Variants in GDPD1 observed in about 807,000 individuals in gnomAD.
The protein encoded by GDPD1 is lysophospholipase D GDPD1.
A neutral mutation model predicts 45.1 loss-of-function variants in GDPD1; 28 were observed. The observed-to-expected ratio is 0.62, with a 90% CI of 0.46 to 0.85. The LOEUF (loss-of-function observed/expected upper bound fraction) is 0.85. Ranked by LOEUF, GDPD1 falls within the 40% of genes least tolerant of loss-of-function variation. The pLI is 0.00. For missense variants in GDPD1, 256 were observed against 364.8 expected (o/e 0.70, Z 2.43); for synonymous variants, 139 against 131.4 (o/e 1.06, Z -0.40).
At chr17:59,229,533 G>A (rs554280184) in intron 1 of GDPD1, among the ~76,000 whole-genome samples, 63 of 144,858 alleles carry the variant, frequency 4.3e-4, no homozygotes, top group African/African-American at 1.5e-3. Context: ...CCTAATTTTT[G>A]TATTTTTAGT....
At chr17:59,255,800 T>TATATACAA (rs748031430) in intron 4 of GDPD1, among the ~76,000 whole-genome samples, 1 of 67,012 alleles carries the variant, frequency 1.5e-5, no homozygotes, top group Non-Finnish European at 2.4e-5. Context: ...TATATATGTA[T>TATATACAA]ATATATATAT....
chr17:59,273,828 A>G lies in GDPD1; in HGVS notation c.*55A>G. 1 of 1,490,982 alleles carries G rather than the reference A, an allele frequency of 6.7e-7. No individual in the cohort carries two copies. Among genetic ancestry groups the G allele is most frequent in the Non-Finnish European group, 8.9e-7 (1 of 1,121,428 alleles). 92.4% of individuals were successfully genotyped at this position (1,490,982 alleles called of 1,614,324 possible). On this transcript the variant is annotated 3_prime_UTR_variant, in exon 10 of 10. Transcript: ENST00000284116. Reference sequence around the variant, plus strand: ...AAAAATGAAGACCTAAGAAAAAAATATTTCATGATCATTTCCCTAAGCCAT... The same window carrying G: ...AAAAATGAAGACCTAAGAAAAAAATGTTTCATGATCATTTCCCTAAGCCAT...
At chr17:59,246,767 AGG>A (rs2047215681) in intron 3 of GDPD1, among the ~76,000 whole-genome samples, 1 of 151,120 alleles carries the variant, frequency 6.6e-6, no homozygotes, top group Non-Finnish European at 1.5e-5. Context: ...AAAAAGAGCA[AGG>A]AAACATAAGA....
At chr17:59,224,633 AAAAAAACAAAAAAC>A (rs1158042748) in intron 1 of GDPD1, among the ~76,000 whole-genome samples, 2 of 148,618 alleles carry the variant, frequency 1.3e-5, no homozygotes, top group Non-Finnish European at 3.0e-5. Flanking sequence ...TCAAAAAAAA[AAAAAAACAAAAAAC>A]AAAAACAAAA....
At chr17:59,222,672 G>A (rs995821156) in intron 1 of GDPD1, among the ~76,000 whole-genome samples, 1 of 151,522 alleles carries the variant, frequency 6.6e-6, no homozygotes, top group African/African-American at 2.4e-5. Flanking sequence ...CCGCCACCAC[G>A]CACAGCTAAT....
At chr17:59,270,023 G>A (rs1435201542) in intron 7 of GDPD1, among the ~76,000 whole-genome samples, 1 of 152,016 alleles carries the variant, frequency 6.6e-6, no homozygotes, top group African/African-American at 2.4e-5. Flanking sequence ...GATATATTTT[G>A]TGTGTTTTAA....
chr17:59,235,999 T>C (rs1597967967), intron 2 of GDPD1, among the ~76,000 whole-genome samples: 2 of 152,262 alleles, frequency 1.3e-5, no homozygotes, highest in East Asian at 3.9e-4. Flanking sequence ...CACTATCATA[T>C]ATCATCTGTT....
At chr17:59,273,056 C>T in intron 9 of GDPD1, 3 of 764,234 alleles carry the variant, frequency 3.9e-6, no homozygotes, top group Non-Finnish European at 5.7e-6. Flanking sequence ...TAGCTGATGC[C>T]AGAGGGGTGG....
chr17:59,262,904 A>G (rs1568349650), intron 6 of GDPD1, among the ~76,000 whole-genome samples: 1 of 152,132 alleles, frequency 6.6e-6, no homozygotes, highest in Non-Finnish European at 1.5e-5. Context: ...CTGGGATTAC[A>G]GGCATGAGCC....
intron 1 of GDPD1, among the ~76,000 whole-genome samples, chr17:59,234,048 T>G (rs2047112218): frequency 6.6e-6 from 1 of 151,908 alleles, no homozygotes; most frequent in South Asian, 2.1e-4. Context: ...GCCCAAGCAT[T>G]TTGGATAAGG....
At chr17:59,223,747 C>G (rs2047023852) in intron 1 of GDPD1, among the ~76,000 whole-genome samples, 1 of 152,182 alleles carries the variant, frequency 6.6e-6, no homozygotes, top group Non-Finnish European at 1.5e-5. Flanking sequence ...AATATCTACT[C>G]TATTTCTAGA....
rs1451484384 is a variant in GDPD1 at position 59,270,993 on chromosome 17, T to C, written c.768T>C (p.Asp256=). Residue 256 remains aspartate, a splice_region_variant and synonymous_variant, in exon 8 of 10, where the codon GAT becomes GAC. Transcript: ENST00000284116. ...RSQKFLIWLS[D]LLLMRKALFD... is the part of the protein sequence containing the mutation. ...AAAAGTTTCTCATCTGGCTTTCTGA[T>C]CTGTAAGAATTTTAATTTCTTAATA... 5 of 1,578,854 alleles carry C rather than the reference T, an allele frequency of 3.2e-6. No homozygotes were observed. Among genetic ancestry groups the C allele is most frequent in the Non-Finnish European group, 4.3e-6 (5 of 1,152,138 alleles).
At chr17:59,247,009 C>T (rs1458532619) in intron 3 of GDPD1, among the ~76,000 whole-genome samples, 1 of 151,990 alleles carries the variant, frequency 6.6e-6, no homozygotes, top group Non-Finnish European at 1.5e-5. Context: ...CTCAGTTGAT[C>T]CTCCTGCCTT....
At chr17:59,260,315 G>A (rs2047345787) in intron 6 of GDPD1, among the ~76,000 whole-genome samples, 2 of 151,922 alleles carry the variant, frequency 1.3e-5, no homozygotes, top group South Asian at 4.2e-4. Context: ...GCTGAGGCGG[G>A]TGGATCACCT....
intron 4 of GDPD1, among the ~76,000 whole-genome samples, chr17:59,255,855 ACG>A (rs2047303051): frequency 1.3e-4 from 11 of 82,870 alleles, no homozygotes; most frequent in African/African-American, 8.9e-4. Context: ...ATATATACAC[ACG>A]TATATATATA....
At chr17:59,258,988 C>A (rs2047331117) in intron 6 of GDPD1, among the ~76,000 whole-genome samples, 1 of 151,030 alleles carries the variant, frequency 6.6e-6, no homozygotes, top group Non-Finnish European at 1.5e-5. Context: ...TTTTAATTTT[C>A]TTTTGCCTGT....
At chr17:59,225,090 C>CTTTTTTTTTTTT (rs796851725) in intron 1 of GDPD1, among the ~76,000 whole-genome samples, 3 of 113,678 alleles carry the variant, frequency 2.6e-5, no homozygotes, top group Non-Finnish European at 5.2e-5. Flanking sequence ...TCTTTCTTTT[C>CTTTTTTTTTTTT]TTTTTTTTTT....
chr17:59,227,477 A>G (rs1342169145), intron 1 of GDPD1, among the ~76,000 whole-genome samples: 1 of 152,164 alleles, frequency 6.6e-6, no homozygotes, highest in Non-Finnish European at 1.5e-5. Flanking sequence ...AACTCTTTTT[A>G]CATAGTATAT....
intron 7 of GDPD1, among the ~76,000 whole-genome samples, chr17:59,267,463 A>AT (rs2047407375): frequency 6.6e-6 from 1 of 152,140 alleles, no homozygotes; most frequent in African/African-American, 2.4e-5. Flanking sequence ...CTCACATCAA[A>AT]TAGCAGTTGC....
Sources: gnomAD v4.1 joint callset for allele counts (sites outside exome capture counted in the v4.1 genomes callset) on GRCh38, gnomAD v4.1.1 for gene constraint, MANE v1.5 for transcripts, NCBI Gene and HGNC (gene_info 2026-07-23, HGNC 2026-07-21) for gene names.